SNTB1: variants seen among roughly 807,000 people sequenced by gnomAD.
SNTB1 encodes beta-1-syntrophin.
SNTB1 carries 36 observed loss-of-function variants against 48.9 expected under a neutral mutation model. The observed-to-expected ratio is 0.74, with a 90% CI of 0.56 to 0.97. The LOEUF is 0.97. SNTB1 is among the 50% of genes least tolerant of loss of function. SNTB1 has a pLI of 0.00. For synonymous variants in SNTB1, 299 were observed against 294.6 expected (o/e 1.01, Z -0.15); for missense variants, 786 against 703.4 (o/e 1.12, Z -1.33).
At chr8:120,585,345 AG>A (rs1816122428) in intron 3 of SNTB1, among the ~76,000 whole-genome samples, 1 of 152,338 alleles carries the variant, frequency 6.6e-6, no homozygotes, top group Non-Finnish European at 1.5e-5. Context: ...ACTGTGCAGC[AG>A]GCCATGCTTC....
intron 1 of SNTB1, among the ~76,000 whole-genome samples, chr8:120,746,783 G>A (rs1819132255): frequency 1.3e-5 from 2 of 152,192 alleles, no homozygotes. Context: ...GGGAGAAATG[G>A]CATTTCCTAT....
intron 3 of SNTB1, among the ~76,000 whole-genome samples, chr8:120,606,440 C>A (rs893993856): frequency 4.0e-5 from 6 of 150,942 alleles, no homozygotes; most frequent in Non-Finnish European, 5.9e-5. Context: ...TGTGTATATA[C>A]ACACACTCCA....
Position 120,793,601 on chromosome 8 carries a change from C to T in SNTB1, c.571+17672G>A, listed in dbSNP as rs114242121. ...TCCAGTTCAAAATCTTTTTTTCTTCCGGTGTCCTGGGTTTCTGAGAACCGG... is the reference window on the plus strand; with the variant it reads ...TCCAGTTCAAAATCTTTTTTTCTTCTGGTGTCCTGGGTTTCTGAGAACCGG... On this transcript the variant is annotated intron_variant, in intron 1 of 6. Coordinates refer to ENST00000517992, the MANE Select transcript of SNTB1 (RefSeq NM_021021.4). Among the ~76,000 whole-genome samples the T allele has an allele frequency of 9.9e-4, 151 of 151,972 alleles. 2 individuals are homozygous for T. Among genetic ancestry groups the T allele is most frequent in the African/African-American group, 3.4e-3 (143 of 41,498 alleles).
At chr8:120,780,836 T>A (rs1819820278) in intron 1 of SNTB1, among the ~76,000 whole-genome samples, 1 of 152,228 alleles carries the variant, frequency 6.6e-6, no homozygotes, top group Admixed American at 6.5e-5. Flanking sequence ...GCTATCAGGG[T>A]AGATAATTTC....
intron 2 of SNTB1, among the ~76,000 whole-genome samples, chr8:120,667,013 C>G (rs1817682517): frequency 6.6e-6 from 1 of 151,786 alleles, no homozygotes; most frequent in African/African-American, 2.4e-5. Flanking sequence ...AGTTCTGGGT[C>G]AGTTTCAATT....
intron 1 of SNTB1, among the ~76,000 whole-genome samples, chr8:120,760,817 T>C (rs1819407364): frequency 6.6e-6 from 1 of 152,126 alleles, no homozygotes. Context: ...CTAGCCTTCC[T>C]GTCTCATTTA....
At chr8:120,656,176 G>A (rs1817499274) in intron 2 of SNTB1, among the ~76,000 whole-genome samples, 1 of 152,140 alleles carries the variant, frequency 6.6e-6, no homozygotes, top group Non-Finnish European at 1.5e-5. Flanking sequence ...TGCCATGATG[G>A]GGGCTAAGGA....
chr8:120,713,356 C>T (rs191691609), intron 1 of SNTB1, among the ~76,000 whole-genome samples: 1 of 152,194 alleles, frequency 6.6e-6, no homozygotes, highest in African/African-American at 2.4e-5. Flanking sequence ...TACCCTCATG[C>T]ACCTTTTCAG....
At chr8:120,773,933 CT>C (rs1156935372) in intron 1 of SNTB1, among the ~76,000 whole-genome samples, 2 of 152,176 alleles carry the variant, frequency 1.3e-5, no homozygotes, top group African/African-American at 4.8e-5. Context: ...GTAAAATTTG[CT>C]ATAGAAAGGA....
intron 2 of SNTB1, among the ~76,000 whole-genome samples, chr8:120,634,390 T>C (rs1262945592): frequency 6.6e-6 from 1 of 152,168 alleles, no homozygotes; most frequent in Admixed American, 6.5e-5. Flanking sequence ...CTATGACTGA[T>C]ATTATTAACC....
rs558816252 is a variant in SNTB1, at chr8:120,772,089, G to A, written c.571+39184C>T. 1.3e-4 allele frequency among the ~76,000 whole-genome samples: 20 copies of A among 151,674 alleles called. No individual in the cohort carries two copies. In the East Asian group the frequency reaches 2.9e-3, roughly 22 times the overall value. ...TTCACCATGTTGGCCAGGCTGGTTC[G>A]AACTCCTGACCTCAAGTGATCCACC... is the stretch of plus-strand genomic sequence containing the variant. On this transcript the variant is annotated intron_variant, in intron 1 of 6. Transcript: ENST00000517992.
intron 1 of SNTB1, among the ~76,000 whole-genome samples, chr8:120,796,654 G>C (rs545009186): frequency 2.0e-5 from 3 of 151,998 alleles, no homozygotes; most frequent in Non-Finnish European, 1.5e-5. Context: ...TTCTTTTAGG[G>C]AAAGCATGCT....
rs944315133 is a variant in SNTB1 at position 120,575,007 on chromosome 8, T to C, written c.1136+79A>G. The C allele has an allele frequency of 3.2e-6, 5 of 1,568,684 alleles. No homozygotes were observed. In the East Asian group the frequency reaches 6.7e-5, roughly 21 times the overall value. ...CCTGCTGCAATAGTGAGCAGTAATA[T>C]AACGTATTGAGCTAATTGTAATTCA... On this transcript the variant is annotated intron_variant, in intron 4 of 6. Transcript: ENST00000517992.
chr8:120,583,021 C>A (rs1053063603), intron 3 of SNTB1, among the ~76,000 whole-genome samples: 1 of 152,020 alleles, frequency 6.6e-6, no homozygotes, highest in Non-Finnish European at 1.5e-5. Flanking sequence ...ATAATCCCAG[C>A]GATTTCGTAG....
In SNTB1 at chr8:120,565,899, G is replaced by T. The variant is rs560403798; in HGVS notation, c.1136+9187C>A. ...ATGAGGGCCCCACTCTCATGGATAG[G>T]ATTAGTGCCTTATAAAAGGACTTGG... is the stretch of plus-strand genomic sequence containing the variant. On this transcript the variant is annotated intron_variant, in intron 4 of 6. Coordinates refer to ENST00000517992, the MANE Select transcript of SNTB1 (RefSeq NM_021021.4). Among the ~76,000 whole-genome samples the T allele has an allele frequency of 4.5e-4, 69 of 152,270 alleles. 1 individual carries two copies. The East Asian group carries it at 0.013, about 29-fold the overall frequency.
chr8:120,666,082 C>CA (rs1817668751), intron 2 of SNTB1, among the ~76,000 whole-genome samples: 1 of 152,044 alleles, frequency 6.6e-6, no homozygotes, highest in Admixed American at 6.5e-5. Context: ...ATCAGTTTTC[C>CA]AATTTCTATT....
intron 3 of SNTB1, among the ~76,000 whole-genome samples, chr8:120,614,402 C>A (rs1243290176): frequency 6.6e-6 from 1 of 152,250 alleles, no homozygotes; most frequent in African/African-American, 2.4e-5. Flanking sequence ...TTAGACACAA[C>A]TCCTTCTCTG....
At chr8:120,647,169 G>C (rs1249850023) in intron 2 of SNTB1, among the ~76,000 whole-genome samples, 1 of 136,350 alleles carries the variant, frequency 7.3e-6, no homozygotes, top group Admixed American at 7.5e-5. Flanking sequence ...ATTTCCTTCA[G>C]TTCTGCTCTG....
intron 1 of SNTB1, among the ~76,000 whole-genome samples, chr8:120,724,277 G>A (rs553291404): frequency 1.2e-4 from 18 of 152,336 alleles, no homozygotes; most frequent in African/African-American, 4.3e-4. Flanking sequence ...ATGAGTGAGA[G>A]CCATGGGCCC....
Sources: gnomAD v4.1 joint callset for allele counts (sites outside exome capture counted in the v4.1 genomes callset) on GRCh38, gnomAD v4.1.1 for gene constraint, MANE v1.5 for transcripts, NCBI Gene and HGNC (gene_info 2026-07-23, HGNC 2026-07-21) for gene names.